Variants in TMEM117 observed in about 807,000 individuals in gnomAD.
TMEM117 encodes transmembrane protein 117.
A neutral mutation model predicts 52.4 loss-of-function variants in TMEM117; 27 were observed. The observed-to-expected ratio is 0.51, with a 90% CI of 0.38 to 0.71. The LOEUF is 0.71. Ranked by LOEUF, TMEM117 falls within the 30% of genes least tolerant of loss-of-function variation. The probability of loss-of-function intolerance (pLI) is 0.00; values close to 1 mark genes in which losing one functional copy is unlikely to be tolerated. For missense variants in TMEM117, 556 were observed against 630.5 expected (o/e 0.88, Z 1.26); for synonymous variants, 215 against 206.3 (o/e 1.04, Z -0.36).
At chr12:44,188,753 T>C (rs1368345568) in intron 4 of TMEM117, among the ~76,000 whole-genome samples, 1 of 152,140 alleles carries the variant, frequency 6.6e-6, no homozygotes, top group African/African-American at 2.4e-5. Flanking sequence ...GCAGGCTTAA[T>C]TCTTTTTCTT....
At chr12:44,091,638 A>G (rs565237699) in intron 3 of TMEM117, among the ~76,000 whole-genome samples, 1 of 152,174 alleles carries the variant, frequency 6.6e-6, no homozygotes, top group East Asian at 1.9e-4. Context: ...GAAGGGGGGA[A>G]TATTTCTATT....
chr12:44,004,543 C>G (rs1946164628), intron 3 of TMEM117, among the ~76,000 whole-genome samples: 1 of 152,084 alleles, frequency 6.6e-6, no homozygotes, highest in Non-Finnish European at 1.5e-5. Flanking sequence ...AGGATGGTGG[C>G]ACAGTCATAA....
At chr12:44,102,781 G>A (rs1947884775) in intron 3 of TMEM117, among the ~76,000 whole-genome samples, 1 of 151,948 alleles carries the variant, frequency 6.6e-6, no homozygotes, top group African/African-American at 2.4e-5. Context: ...ATCTTAAACT[G>A]TAGTTTCCAT....
the TMEM117 span, among the ~76,000 whole-genome samples, chr12:43,811,277 C>T: frequency 6.2e-4 from 94 of 152,266 alleles, no homozygotes; most frequent in African/African-American, 2.2e-3. Flanking sequence ...CCCTTCCCCA[C>T]CTCCTCCTGT....
At chr12:44,356,557 G>A (rs773226189) in intron 6 of TMEM117, among the ~76,000 whole-genome samples, 1 of 152,048 alleles carries the variant, frequency 6.6e-6, no homozygotes, top group Non-Finnish European at 1.5e-5. Context: ...GCTGTCTTCT[G>A]TATATTCCCA....
chr12:43,852,173 T>C (rs1489839283), intron 2 of TMEM117, among the ~76,000 whole-genome samples: 1 of 152,154 alleles, frequency 6.6e-6, no homozygotes, highest in Non-Finnish European at 1.5e-5. Context: ...GGCTCATGCC[T>C]GTAATCCCAG....
At chr12:44,120,580 T>C (rs1242037277) in intron 3 of TMEM117, among the ~76,000 whole-genome samples, 1 of 152,218 alleles carries the variant, frequency 6.6e-6, no homozygotes, top group East Asian at 1.9e-4. Context: ...TAGCTTCCCC[T>C]GTGCCTGCCT....
chr12:43,883,030 T>C (rs1210920867), intron 2 of TMEM117, among the ~76,000 whole-genome samples: 1 of 152,338 alleles, frequency 6.6e-6, no homozygotes, highest in South Asian at 2.1e-4. Context: ...AAAGTTCTTA[T>C]TTGAGTTTTT....
intron 3 of TMEM117, among the ~76,000 whole-genome samples, chr12:44,059,457 G>C (rs1947106289): frequency 6.6e-6 from 1 of 152,138 alleles, no homozygotes; most frequent in African/African-American, 2.4e-5. Context: ...TGCTGTAGCA[G>C]ATGTATTTTA....
chr12:44,230,827 C>G (rs1384215764), intron 5 of TMEM117, among the ~76,000 whole-genome samples: 4 of 151,966 alleles, frequency 2.6e-5, no homozygotes, highest in Non-Finnish European at 4.4e-5. Context: ...AGAGATAATA[C>G]ATTTCTTTAA....
At chr12:43,898,485 C>A (rs551278656) in intron 2 of TMEM117, among the ~76,000 whole-genome samples, 1 of 151,888 alleles carries the variant, frequency 6.6e-6, no homozygotes, top group African/African-American at 2.4e-5. Context: ...ATAGACCCTA[C>A]TTGAACCTCA....
chr12:43,884,891 G>T (rs1943963377), intron 2 of TMEM117, among the ~76,000 whole-genome samples: 1 of 152,118 alleles, frequency 6.6e-6, no homozygotes, highest in Non-Finnish European at 1.5e-5. Flanking sequence ...TCAGCACACA[G>T]CACAAGCACC....
chr12:43,827,431 A>G, the TMEM117 span, among the ~76,000 whole-genome samples: 1 of 152,192 alleles, frequency 6.6e-6, no homozygotes, highest in South Asian at 2.1e-4. Context: ...AGCATAATTA[A>G]CATGCAATAC....
At chr12:44,268,516 G>A (rs1166249088) in intron 5 of TMEM117, among the ~76,000 whole-genome samples, 1 of 151,798 alleles carries the variant, frequency 6.6e-6, no homozygotes, top group Non-Finnish European at 1.5e-5. Flanking sequence ...ATATGTATGA[G>A]TTTATCATAT....
chr12:43,982,058 C>T (rs972171112), intron 3 of TMEM117, among the ~76,000 whole-genome samples: 1 of 152,092 alleles, frequency 6.6e-6, no homozygotes, highest in African/African-American at 2.4e-5. Flanking sequence ...GATGGATACA[C>T]CAAATACCCT....
chr12:43,861,248 T>C (rs998422374), intron 2 of TMEM117, among the ~76,000 whole-genome samples: 2 of 152,130 alleles, frequency 1.3e-5, no homozygotes, highest in African/African-American at 4.8e-5. Context: ...GATCCCCCCA[T>C]AGAGTAAGAA....
intron 3 of TMEM117, among the ~76,000 whole-genome samples, chr12:44,075,594 G>C (rs1947369759): frequency 6.6e-6 from 1 of 152,122 alleles, no homozygotes; most frequent in Non-Finnish European, 1.5e-5. Context: ...TTTGTGTACA[G>C]AGGATCCTCC....
intron 4 of TMEM117, among the ~76,000 whole-genome samples, chr12:44,154,573 GC>G (rs1353747486): frequency 6.6e-5 from 10 of 151,658 alleles, no homozygotes; most frequent in African/African-American, 2.2e-4. Context: ...AAACCCAAGT[GC>G]TTTTTTTCTT....
intron 4 of TMEM117, among the ~76,000 whole-genome samples, chr12:44,167,407 G>A (rs1266697491): frequency 2.6e-5 from 4 of 152,104 alleles, no homozygotes; most frequent in East Asian, 1.9e-4. Context: ...GGTGGGTCAC[G>A]CCTGTAATCC....
Sources: gnomAD v4.1 joint callset for allele counts (sites outside exome capture counted in the v4.1 genomes callset) on GRCh38, gnomAD v4.1.1 for gene constraint, MANE v1.5 for transcripts, NCBI Gene and HGNC (gene_info 2026-07-23, HGNC 2026-07-21) for gene names.